The following DUOX1 variants were observed in gnomAD, a reference collection of about 807,000 sequenced individuals.
The protein encoded by DUOX1 is dual oxidase 1.
A neutral mutation model predicts 181.8 loss-of-function variants in DUOX1; 134 were observed. That is an observed-to-expected ratio of 0.74 (90% CI 0.64 to 0.85). The LOEUF (loss-of-function observed/expected upper bound fraction) is 0.85. DUOX1 is among the 40% of genes least tolerant of loss of function. The pLI is 0.00. For missense variants in DUOX1, 1,814 were observed against 2,064.4 expected (o/e 0.88, Z 2.35); for synonymous variants, 798 against 832.5 (o/e 0.96, Z 0.71).
chr15:45,147,685 G>A (rs1451661899), intron 19 of DUOX1, 27 bp downstream of exon 19: 3 of 1,612,994 alleles, frequency 1.9e-6, no homozygotes, highest in East Asian at 2.2e-5. Flanking sequence ...TGATAGGAGA[G>A]GCTGGACAGG....
intron 28 of DUOX1, among the ~76,000 whole-genome samples, chr15:45,158,572 T>C (rs1421242357): frequency 1.3e-5 from 2 of 151,500 alleles, no homozygotes; most frequent in Admixed American, 1.3e-4. Flanking sequence ...AGTGGTGGCA[T>C]GCGCCTCTAA....
At chr15:45,132,242 C>T (rs1269108352) in intron 2 of DUOX1, among the ~76,000 whole-genome samples, 1 of 152,222 alleles carries the variant, frequency 6.6e-6, no homozygotes, top group African/African-American at 2.4e-5. Flanking sequence ...AGGGAGCCTT[C>T]AGCTGCTGTC....
rs1253015335 is a variant in DUOX1 at position 45,137,314 on chromosome 15, C to T, written c.1023-610C>T. 4.9e-5 allele frequency among the ~76,000 whole-genome samples: 6 copies of T among 123,434 alleles called. No homozygotes were observed. In the East Asian group the frequency reaches 1.6e-3, roughly 33 times the overall value. The allele number at this position is 123,434 out of a possible 152,430, so 81.0% of individuals were successfully genotyped here. ...GGCGGAGGTTGCGGTGAGCCAAGATCGTGTCATTGCACTCCGGCCTGGACA... is the reference window on the plus strand; with the variant it reads ...GGCGGAGGTTGCGGTGAGCCAAGATTGTGTCATTGCACTCCGGCCTGGACA... On this transcript the variant is annotated intron_variant, in intron 9 of 33. Coordinates refer to ENST00000389037, the MANE Select transcript of DUOX1 (RefSeq NM_175940.3).
chr15:45,162,010 C>T (rs973357435), intron 30 of DUOX1, 40 bp downstream of exon 30: 3 of 1,563,902 alleles, frequency 1.9e-6, no homozygotes, highest in Middle Eastern at 1.7e-4. Context: ...GCGCCCATAT[C>T]CCCTTTGAAG....
At chr15:45,154,946 G>A (rs1231934187) in intron 27 of DUOX1, among the ~76,000 whole-genome samples, 2 of 152,238 alleles carry the variant, frequency 1.3e-5, no homozygotes, top group Non-Finnish European at 2.9e-5. Context: ...CTAGTGATGA[G>A]CAGGGACAGT....
chr15:45,139,706 A>C, intron 12 of DUOX1, 107 bp downstream of exon 12: 2 of 1,238,514 alleles, frequency 1.6e-6, no homozygotes, highest in Non-Finnish European at 2.2e-6. Context: ...CAAGCACCTA[A>C]TGGGAGGGGC....
At chr15:45,145,156 G>A (rs562916962) in intron 18 of DUOX1, 76 bp downstream of exon 18, 14 of 1,354,444 alleles carry the variant, frequency 1.0e-5, no homozygotes, top group South Asian at 1.7e-5. Flanking sequence ...GGTGACTCGA[G>A]GGGAAGTCAA....
In DUOX1 at chr15:45,135,768, C is replaced by G; in HGVS notation, c.698-14C>G. 3 of 1,434,920 alleles carry G rather than the reference C, an allele frequency of 2.1e-6. No individual in the cohort carries two copies. The highest frequency in any genetic ancestry group is 2.8e-6 in the Non-Finnish European group (3 of 1,083,762). The allele number at this position is 1,434,920 out of a possible 1,614,324, so 88.9% of individuals were successfully genotyped here. On this transcript the variant is annotated splice_polypyrimidine_tract_variant and intron_variant, in intron 6 of 33. Coordinates refer to ENST00000389037, the MANE Select transcript of DUOX1 (RefSeq NM_175940.3). ...CCGCTCGTCTCCTCCCCTGCGCCCC[C>G]ACGTCGGATGCAGCCTTCGGGGCAG...
Position 45,153,579 on chromosome 15 carries a change from AAATTATCTG to A in DUOX1, c.3524+101_3524+109del, listed in dbSNP as rs1273664372. ...GGGAGGATTCCTTTTGGGTGGAAAG[AAATTATCTG>A]GCTCCAGAGGAGACTGTCACCTTCT... On this transcript the variant is annotated intron_variant, in intron 26 of 33. Coordinates refer to ENST00000389037, the MANE Select transcript of DUOX1 (RefSeq NM_175940.3). The A allele has an allele frequency of 3.2e-6, 4 of 1,239,804 alleles. No individual in the cohort carries two copies. The African/African-American group carries it at 6.0e-5, about 19-fold the overall frequency. The allele number at this position is 1,239,804 out of a possible 1,614,324, so 76.8% of individuals were successfully genotyped here.
At chr15:45,146,005 A>C (rs535887378) in intron 18 of DUOX1, among the ~76,000 whole-genome samples, 3 of 152,188 alleles carry the variant, frequency 2.0e-5, no homozygotes, top group Non-Finnish European at 4.4e-5. Flanking sequence ...CACAGAAAGG[A>C]AGATAACTGG....
At position 45,141,405 on chromosome 15, in the gene DUOX1, A is replaced by C. The variant is rs752123092; in HGVS notation, c.1679A>C (p.His560Pro). The change falls in exon 14 of 34, where the codon CAT becomes CCT. Residue 560 changes from histidine to proline, a missense_variant. This residue lies in a region of DUOX1 where 1,064 missense variants were observed against 1,152.9 expected (regional missense o/e 0.92). Transcript: ENST00000389037. ...CTGCAGCCCAATGTCTTTGTCTGGC[A>C]TAAAGGTGAGTGGCCAAGGGGTGGC... The part of the protein sequence containing the change: ...SALQPNVFVW[H>P]KGDPCPQPRQ... The C allele has an allele frequency of 2.5e-6, 4 of 1,614,096 alleles. No homozygotes were observed. The Admixed American group carries it at 5.0e-5, about 20-fold the overall frequency.
In DUOX1 at chr15:45,139,476, C is replaced by CT. The variant is rs1567010591; in HGVS notation, c.1267dup (p.Cys423LeufsTer40). ...TTTCCCGCACAGACCACCTGGCCAG[C>CT]TGCCTGCAGCGGGGCCGGGATCTGG... On this transcript the variant is annotated frameshift_variant, in exon 12 of 34. Transcript: ENST00000389037. LOFTEE classifies it high-confidence loss of function. The CT allele has an allele frequency of 6.2e-7, 1 of 1,612,902 alleles. No homozygotes were observed. The highest frequency in any genetic ancestry group is 8.5e-7 in the Non-Finnish European group (1 of 1,179,702).
chr15:45,131,839 T>C lies in DUOX1; in HGVS notation c.-49-79T>C, dbSNP rs1896162813. The C allele has an allele frequency of 3.0e-6, 3 of 1,016,472 alleles. No individual in the cohort carries two copies. The Admixed American group carries it at 6.0e-5, about 20-fold the overall frequency. 63.0% of individuals were successfully genotyped at this position (1,016,472 alleles called of 1,614,324 possible). ...GTGACCTTGGCCCAGCCCCAGGCCT[T>C]GATTCACAGAGGCCTGCAGAGTCTT... On this transcript the variant is annotated intron_variant, in intron 1 of 33. Coordinates refer to ENST00000389037, the MANE Select transcript of DUOX1 (RefSeq NM_175940.3).
chr15:45,139,786 G>A, intron 12 of DUOX1, 187 bp downstream of exon 12: 1 of 726,922 alleles, frequency 1.4e-6, no homozygotes, highest in South Asian at 2.1e-5. Context: ...GCAAGATTTG[G>A]CTTTGCACTC....
chr15:45,136,473 T>A lies in DUOX1; in HGVS notation c.926-56T>A. The A allele has an allele frequency of 1.9e-6, 3 of 1,613,972 alleles. No individual in the cohort carries two copies. The South Asian group carries it at 3.3e-5, about 18-fold the overall frequency. On this transcript the variant is annotated intron_variant, in intron 8 of 33. Coordinates refer to ENST00000389037, the MANE Select transcript of DUOX1 (RefSeq NM_175940.3). The stretch of plus-strand genomic sequence containing the variant: ...GTGTCTTGCGGGGTGGGGTGGGGAC[T>A]ACGTTGGGGATTTTAGGGCTAAATT...
chr15:45,146,750 C>G (rs1208826816), intron 18 of DUOX1, among the ~76,000 whole-genome samples: 3 of 152,206 alleles, frequency 2.0e-5, no homozygotes, highest in Non-Finnish European at 4.4e-5. Flanking sequence ...GAAACCATCA[C>G]CAGACTTGGA....
intron 33 of DUOX1, 118 bp downstream of exon 33, chr15:45,164,036 AGAT>A: frequency 6.9e-7 from 1 of 1,444,956 alleles, no homozygotes; most frequent in Non-Finnish European, 9.4e-7. Flanking sequence ...ATCCCCTGGG[AGAT>A]TGGTGGGGTA....
chr15:45,164,063 G>C, intron 33 of DUOX1, 145 bp downstream of exon 33: 1 of 1,308,218 alleles, frequency 7.6e-7, no homozygotes, highest in Non-Finnish European at 1.0e-6. Context: ...GAATGGAAAG[G>C]ATAGGTGGGT....
rs148792780 is a variant in DUOX1, at chr15:45,145,707, G to A, written c.2322+627G>A. Among the ~76,000 whole-genome samples, 382 of 152,224 alleles carry A rather than the reference G, an allele frequency of 2.5e-3. 1 individual carries two copies. Among genetic ancestry groups the A allele is most frequent in the African/African-American group, 8.8e-3 (366 of 41,520 alleles). ...GGGCAGGTGGATCACTTGAGGTCAG[G>A]GGTTTGAGACCAGCCTGGCCAACAT... On this transcript the variant is annotated intron_variant, in intron 18 of 33. Coordinates refer to ENST00000389037, the MANE Select transcript of DUOX1 (RefSeq NM_175940.3).
Sources: allele counts gnomAD v4.1 joint callset (sites outside exome capture counted in the v4.1 genomes callset), GRCh38; gene constraint gnomAD v4.1.1; regional missense constraint gnomAD v4.1.1; transcripts MANE v1.5; gene names NCBI Gene and HGNC (gene_info 2026-07-23, HGNC 2026-07-21).